The following ZNF836 variants were observed in gnomAD, a reference collection of about 807,000 sequenced individuals.
The protein encoded by ZNF836 is zinc finger protein 836.
Under a neutral mutation model 7.4 loss-of-function variants are expected in ZNF836, and 12 were observed. That is an observed-to-expected ratio of 1.61 (90% CI 1.03 to 2.61). The LOEUF (loss-of-function observed/expected upper bound fraction) is 2.61, where lower values mean the gene tolerates loss of function less well. Among genes scored for constraint, ZNF836 ranks in the 30% most tolerant of loss-of-function variants. The pLI is 0.00. For missense variants in ZNF836, 998 were observed against 1,126.2 expected (o/e 0.89, Z 1.63); for synonymous variants, 365 against 382.6 (o/e 0.95, Z 0.54).
chr19:52,161,383 G>C lies in ZNF836; in HGVS notation c.16-792C>G, dbSNP rs1387404314. 2.0e-5 allele frequency among the ~76,000 whole-genome samples: 3 copies of C among 152,208 alleles called. No homozygotes were observed. The highest frequency in any genetic ancestry group is 1.5e-5 in the Non-Finnish European group (1 of 68,038). ...CCAAGATCAAGGTGCCAGCAGGACT[G>C]ATGTCTGGTGAGAGATGATCCTCGC... On this transcript the variant is annotated intron_variant, in intron 3 of 4. Transcript: ENST00000682614. The surrounding 1 kb of genome is among the most constrained non-coding windows in gnomAD (Gnocchi z 4.1).
Position 52,168,088 on chromosome 19 carries a change from TTTCCTCTTC to T in ZNF836, c.-25_-17del. 1 of 1,612,144 alleles carries T rather than the reference TTTCCTCTTC, an allele frequency of 6.2e-7. No homozygotes were observed. Among genetic ancestry groups the T allele is most frequent in the Non-Finnish European group, 8.5e-7 (1 of 1,178,878 alleles). On this transcript the variant is annotated 5_prime_UTR_variant, in exon 3 of 5. Coordinates refer to ENST00000682614, the MANE Select transcript of ZNF836 (RefSeq NM_001102657.3). ...TAAGAGCCATCCCTGACTCCTTTTC[TTTCCTCTTC>T]TTCCTCTTCTGGGCTTCTCTCTCAG...
rs775140353 is a variant in ZNF836, at chr19:52,157,052, T to A, written c.631A>T (p.Thr211Ser). The A allele has an allele frequency of 6.2e-7, 1 of 1,614,002 alleles. No individual in the cohort carries two copies. Among genetic ancestry groups the A allele is most frequent in the Non-Finnish European group, 8.5e-7 (1 of 1,179,886 alleles). Reference sequence around the variant, plus strand: ...ATATAAGGTTTTTCCCTAATGTGTGTTTTCTCAAGTTGGGTGGGTAATGAC... The same window carrying A: ...ATATAAGGTTTTTCCCTAATGTGTGATTTCTCAAGTTGGGTGGGTAATGAC... ...QLSLPTQLEK[T>S]HIREKPYMCK... The change falls in exon 5 of 5, where the codon ACA (threonine) becomes TCA (serine). Residue 211 changes from threonine (T) to serine (S), a missense_variant. Thr to Ser is a moderately conservative substitution (Grantham distance 58). Transcript: ENST00000682614.
intron 3 of ZNF836, among the ~76,000 whole-genome samples, chr19:52,162,319 TG>T (rs2089219725): frequency 6.6e-6 from 1 of 152,228 alleles, no homozygotes; most frequent in African/African-American, 2.4e-5. Flanking sequence ...ATTGCCTTAG[TG>T]GGGACTTCCA....
chr19:52,167,122 C>T (rs372496867), intron 3 of ZNF836, among the ~76,000 whole-genome samples: 18 of 151,516 alleles, frequency 1.2e-4, no homozygotes, highest in Non-Finnish European at 1.9e-4. Context: ...CTCTGTGGGA[C>T]GGATACAGTG....
chr19:52,156,436 C>T lies in ZNF836; in HGVS notation c.1247G>A (p.Cys416Tyr). The change falls in exon 5 of 5, where the codon TGT becomes TAT. Residue 416 changes from cysteine (C) to tyrosine (Y), a missense_variant. Physicochemically the swap from Cys to Tyr is radical, Grantham distance 194 (BLOSUM62 -2). Transcript: ENST00000682614. Reference protein sequence around the residue: ...TVHSGNKPYKCDECGKTFKRS... With the variant: ...TVHSGNKPYKYDECGKTFKRS... Reference sequence around the variant, plus strand: ...TTTAAAGGTTTTGCCACACTCATCACATTTGTAAGGTTTGTTTCCACTATG... The same window carrying T: ...TTTAAAGGTTTTGCCACACTCATCATATTTGTAAGGTTTGTTTCCACTATG... 3 of 1,614,114 alleles carry T rather than the reference C, an allele frequency of 1.9e-6. No homozygotes were observed. Among genetic ancestry groups the T allele is most frequent in the Non-Finnish European group, 2.5e-6 (3 of 1,180,026 alleles).
At chr19:52,167,803 T>C (rs905034163) in intron 3 of ZNF836, among the ~76,000 whole-genome samples, 1 of 152,182 alleles carries the variant, frequency 6.6e-6, no homozygotes, top group East Asian at 1.9e-4. Flanking sequence ...GTGGGGCCCA[T>C]ACCCCGTCTC....
Position 52,155,943 on chromosome 19 carries a change from T to C in ZNF836, c.1740A>G (p.Lys580=), listed in dbSNP as rs200269157. The stretch of plus-strand genomic sequence containing the variant: ...TGCCACATTCATTACATTGGAAAGG[T>C]TTCTCTCCCGTATGTATTCTCTTAT... ...SIHKRIHTGE[K]PFQCNECGTV... Residue 580 remains lysine, a synonymous_variant, in exon 5 of 5, where the codon AAA becomes AAG. Coordinates refer to ENST00000682614, the MANE Select transcript of ZNF836 (RefSeq NM_001102657.3). 1.2e-6 allele frequency: 2 copies of C among 1,613,080 alleles called. No individual in the cohort carries two copies. Among genetic ancestry groups the C allele is most frequent in the Non-Finnish European group, 1.7e-6 (2 of 1,179,710 alleles).
Position 52,156,724 on chromosome 19 carries a change from T to G in ZNF836, c.959A>C (p.His320Pro). 1.9e-6 allele frequency: 3 copies of G among 1,606,798 alleles called. No individual in the cohort carries two copies. Among genetic ancestry groups the G allele is most frequent in the Non-Finnish European group, 2.6e-6 (3 of 1,174,992 alleles). Reference sequence around the variant, plus strand: ...TTTCTCTCCAGTGTGAATTCTCTGATGTATTGCAAGGTTATAACTTTGACT... The same window carrying G: ...TTTCTCTCCAGTGTGAATTCTCTGAGGTATTGCAAGGTTATAACTTTGACT... Reference protein sequence around the residue: ...SFSQSYNLAIHQRIHTGEKPY... With the variant: ...SFSQSYNLAIPQRIHTGEKPY... The change falls in exon 5 of 5, where the codon CAT becomes CCT. Residue 320 changes from histidine to proline, a missense_variant. Coordinates refer to ENST00000682614, the MANE Select transcript of ZNF836 (RefSeq NM_001102657.3).
chr19:52,157,468 G>A lies in ZNF836; in HGVS notation c.215C>T (p.Thr72Ile). ...GNSNTGEKCQ[T>I]VTLERHECYD... ...ACATTCATGTCTTTCCAGCGTCACT[G>A]TTTGGCATTTTTCTCCTGTATTACT... The change falls in exon 5 of 5, where the codon ACA becomes ATA. Residue 72 changes from threonine to isoleucine, a missense_variant. Transcript: ENST00000682614. 1 of 1,591,026 alleles carries A rather than the reference G, an allele frequency of 6.3e-7. No homozygotes were observed. The highest frequency in any genetic ancestry group is 8.5e-7 in the Non-Finnish European group (1 of 1,172,808).
At chr19:52,164,675 G>C (rs1032656570) in intron 3 of ZNF836, among the ~76,000 whole-genome samples, 4 of 151,514 alleles carry the variant, frequency 2.6e-5, no homozygotes, top group African/African-American at 9.7e-5. Flanking sequence ...GAGCATGAGG[G>C]GCTCATGGCA....
Position 52,161,598 on chromosome 19 carries a change from T to C in ZNF836, c.16-1007A>G, listed in dbSNP as rs976528645. ...ATCTCCTCCTAAAGGCCACGACTCA[T>C]AACATTTAAAGATTAGGCACTGGGG... is the stretch of plus-strand genomic sequence containing the variant. On this transcript the variant is annotated intron_variant, in intron 3 of 4. Transcript: ENST00000682614. This position sits in a 1 kb window ranked among gnomAD's most constrained non-coding sequence, Gnocchi z 4.1. Among the ~76,000 whole-genome samples the C allele has an allele frequency of 1.3e-5, 2 of 150,692 alleles. No homozygotes were observed. Among genetic ancestry groups the C allele is most frequent in the Non-Finnish European group, 2.9e-5 (2 of 67,848 alleles).
Position 52,154,788 on chromosome 19 carries a change from C to T in ZNF836, c.*84G>A, listed in dbSNP as rs2089135440. 8 of 1,256,440 alleles carry T rather than the reference C, an allele frequency of 6.4e-6. No homozygotes were observed. Among genetic ancestry groups the T allele is most frequent in the East Asian group, 2.6e-5 (1 of 38,864 alleles). 77.8% of individuals were successfully genotyped at this position (1,256,440 alleles called of 1,614,324 possible). On this transcript the variant is annotated 3_prime_UTR_variant, in exon 5 of 5. Transcript: ENST00000682614. ...TGATCCAATCATCTCCCACCAGGCC[C>T]CACCTCCAATAAAGGGGATTAAAAT...
Position 52,156,376 on chromosome 19 carries a change from T to C in ZNF836, c.1307A>G (p.His436Arg), listed in dbSNP as rs2089159861. Reference sequence around the variant, plus strand: ...ACATGTATATGGTTTCTCTCCTGTATGGATTATCTGATGTGTAGTGAGGCT... The same window carrying C: ...ACATGTATATGGTTTCTCTCCTGTACGGATTATCTGATGTGTAGTGAGGCT... ...SSSLTTHQII[H>R]TGEKPYTCDV... The change falls in exon 5 of 5, where the codon CAT (histidine) becomes CGT (arginine). Residue 436 changes from histidine (H) to arginine (R), a missense_variant. His to Arg is a conservative substitution (Grantham distance 29, BLOSUM62 0). Coordinates refer to ENST00000682614, the MANE Select transcript of ZNF836 (RefSeq NM_001102657.3). The C allele has an allele frequency of 2.5e-6, 4 of 1,614,120 alleles. No homozygotes were observed. The highest frequency in any genetic ancestry group is 1.3e-5 in the African/African-American group (1 of 74,950).
In ZNF836 at chr19:52,168,358, C is replaced by T. The variant is rs764685937; in HGVS notation, c.-80-206G>A. 5.9e-5 allele frequency among the ~76,000 whole-genome samples: 9 copies of T among 152,058 alleles called. No individual in the cohort carries two copies. The South Asian group carries it at 1.0e-3, about 17-fold the overall frequency. ...ATCCCAGCACCTTAGGAGGCAGAGG[C>T]GGGCAGATCAACTGAAGTCAGGAGT... On this transcript the variant is annotated intron_variant, in intron 2 of 4. Transcript: ENST00000682614.
At chr19:52,168,370 C>A (rs1031226268) in intron 2 of ZNF836, among the ~76,000 whole-genome samples, 2 of 152,130 alleles carry the variant, frequency 1.3e-5, no homozygotes, top group Non-Finnish European at 2.9e-5. Context: ...GGCAGATCAA[C>A]TGAAGTCAGG....
chr19:52,155,185 G>A lies in ZNF836; in HGVS notation c.2498C>T (p.Pro833Leu). 6.2e-7 allele frequency: 1 copy of A among 1,614,082 alleles called. No homozygotes were observed. ...TTTACCACATTCATTACATTTGTAAGGTTTGTCCCCAGTATGCATTTTCTG... is the reference window on the plus strand; with the variant it reads ...TTTACCACATTCATTACATTTGTAAAGTTTGTCCCCAGTATGCATTTTCTG... ...NHQKMHTGDK[P>L]YKCNECGKAF... Residue 833 changes from proline to leucine, a missense_variant, in exon 5 of 5, where the codon CCT (proline) becomes CTT (leucine). Pro to Leu is a moderately conservative substitution (Grantham distance 98). Coordinates refer to ENST00000682614, the MANE Select transcript of ZNF836 (RefSeq NM_001102657.3).
chr19:52,157,164 G>A lies in ZNF836; in HGVS notation c.519C>T (p.Asn173=), dbSNP rs757218173. Residue 173 remains asparagine, a synonymous_variant, in exon 5 of 5, where the codon AAC becomes AAT. Coordinates refer to ENST00000682614, the MANE Select transcript of ZNF836 (RefSeq NM_001102657.3). ...ECNQSEKTVN[N]SSLVSPLQRI... ...TTTGAAGTGGTGAAACTAGGGAACT[G>A]TTATTAACTGTCTTCTCAGATTGGT... The A allele has an allele frequency of 5.0e-6, 8 of 1,613,216 alleles. No homozygotes were observed. The highest frequency in any genetic ancestry group is 1.6e-4 in the Middle Eastern group (1 of 6,082).
intron 3 of ZNF836, among the ~76,000 whole-genome samples, chr19:52,162,358 T>A (rs2089220090): frequency 6.6e-6 from 1 of 152,232 alleles, no homozygotes. Context: ...ATGGCATTTT[T>A]ATGCCTAGGC....
In ZNF836 at chr19:52,157,107, A is replaced by G. The variant is rs759885474; in HGVS notation, c.576T>C (p.Ser192=). Residue 192 remains serine (S), a synonymous_variant, in exon 5 of 5, where the codon TCT becomes TCC. Coordinates refer to ENST00000682614, the MANE Select transcript of ZNF836 (RefSeq NM_001102657.3). ...GCAAAAACTCATTCTCATATTTTTT[A>G]GAAATGTTGGTTTGGACACTAGGAA... is the stretch of plus-strand genomic sequence containing the variant. ...RILPSVQTNI[S]KKYENEFLQL... 6.2e-7 allele frequency: 1 copy of G among 1,613,892 alleles called. No individual in the cohort carries two copies. The highest frequency in any genetic ancestry group is 8.5e-7 in the Non-Finnish European group (1 of 1,179,862).
Sources: gnomAD v4.1 joint callset for allele counts (sites outside exome capture counted in the v4.1 genomes callset) on GRCh38, gnomAD v4.1.1 for gene constraint, Gnocchi (gnomAD v3.1) non-coding constraint, MANE v1.5 for transcripts, NCBI Gene and HGNC (gene_info 2026-07-23, HGNC 2026-07-21) for gene names.